EDC4: variants seen among roughly 807,000 people sequenced by gnomAD.
EDC4 encodes enhancer of mRNA decapping 4.
Under a neutral mutation model 155.8 loss-of-function variants are expected in EDC4, and 64 were observed. The ratio of observed to expected loss-of-function variants is 0.41; its 90% confidence interval spans 0.34 to 0.51. EDC4 has a LOEUF of 0.51. EDC4 is among the 20% of genes least tolerant of loss of function. The probability of loss-of-function intolerance (pLI) is 0.19; values close to 1 mark genes in which losing one functional copy is unlikely to be tolerated. For missense variants in EDC4, 1,303 were observed against 1,812.5 expected, an observed-to-expected ratio of 0.72 and a Z score of 5.10; for synonymous variants, 684 against 716.8, an observed-to-expected ratio of 0.95 and a Z score of 0.73.
rs1392329876 is a variant in EDC4 at position 67,878,938 on chromosome 16, G to A, written c.1288-19G>A. The A allele has an allele frequency of 4.3e-6, 7 of 1,610,108 alleles. No individual in the cohort carries two copies. The highest frequency in any genetic ancestry group is 5.1e-6 in the Non-Finnish European group (6 of 1,178,710). ...GCCCTTAGCCTCTGAGCTCAGCTAG[G>A]AACGTTCTGCCTGTGCAGGTCCTCT... On this transcript the variant is annotated intron_variant, in intron 11 of 28. Transcript: ENST00000358933. This position sits in a 1 kb window ranked among gnomAD's most constrained non-coding sequence, Gnocchi z 5.2.
At position 67,881,428 on chromosome 16, in the gene EDC4, A is replaced by G; in HGVS notation, c.2789+11A>G. On this transcript the variant is annotated intron_variant, in intron 20 of 28. Transcript: ENST00000358933. The surrounding 1 kb of genome is among the most constrained non-coding windows in gnomAD (Gnocchi z 5.4). ...CAAGAAGGATGATGGGTAGGGAGAA[A>G]TCCTAGGGAGGGAGAGGGTGGTCTC... 1 of 1,613,984 alleles carries G rather than the reference A, an allele frequency of 6.2e-7. No individual in the cohort carries two copies. Among genetic ancestry groups the G allele is most frequent in the Non-Finnish European group, 8.5e-7 (1 of 1,179,940 alleles).
rs372595222 is a variant in EDC4 at position 67,879,210 on chromosome 16, G to A, written c.1469-27G>A. 49 of 1,614,086 alleles carry A rather than the reference G, an allele frequency of 3.0e-5. No individual in the cohort carries two copies. The highest frequency in any genetic ancestry group is 3.8e-5 in the Non-Finnish European group (45 of 1,180,038). On this transcript the variant is annotated intron_variant, in intron 12 of 28. Transcript: ENST00000358933. This position sits in a 1 kb window ranked among gnomAD's most constrained non-coding sequence, Gnocchi z 6.0. ...TGTGGAGGCACAGAGAGGGCCAGGG[G>A]CTTCATCATCCACACTGTCCTTTCA...
At chr16:67,875,750 C>T (rs979434366) in intron 1 of EDC4, 195 bp from the exon 2 acceptor site, 1 of 1,391,800 alleles carries the variant, frequency 7.2e-7, no homozygotes, top group Non-Finnish European at 9.3e-7. Context: ...AGAAGAGCCT[C>T]ATGCTCATCC....
At position 67,877,595 on chromosome 16, in the gene EDC4, A is replaced by C; in HGVS notation, c.728A>C (p.Glu243Ala). 1 of 1,614,182 alleles carries C rather than the reference A, an allele frequency of 6.2e-7. No homozygotes were observed. The highest frequency in any genetic ancestry group is 8.5e-7 in the Non-Finnish European group (1 of 1,180,030). The change falls in exon 6 of 29, where the codon GAG (glutamate) becomes GCG (alanine). Residue 243 changes from glutamate to alanine, a missense_variant. Glu to Ala is a moderately radical substitution (Grantham distance 107, BLOSUM62 -1). Coordinates refer to ENST00000358933, the MANE Select transcript of EDC4 (RefSeq NM_014329.5). The surrounding 1 kb of genome is among the most constrained non-coding windows in gnomAD (Gnocchi z 4.9). ...RRIIWCPFIP[E>A]ESEDCCEESS... ...ATCATCTGGTGCCCCTTCATCCCTG[A>C]GGAGAGCGAAGACTGCTGTGAGGAG...
At position 67,879,903 on chromosome 16, in the gene EDC4, T is replaced by TAGCAGC; in HGVS notation, c.1879_1884dup (p.Ser628_Ser629dup). ...GCGGTAGCAGCAGCAGCAGCAGCAG[T>TAGCAGC]AGCAGCAGCTCCCTTACAGCTGTGT... is the stretch of plus-strand genomic sequence containing the variant. On this transcript the variant is annotated inframe_insertion, in exon 16 of 29. Coordinates refer to ENST00000358933, the MANE Select transcript of EDC4 (RefSeq NM_014329.5). This position sits in a 1 kb window ranked among gnomAD's most constrained non-coding sequence, Gnocchi z 6.0. 2 of 1,613,314 alleles carry TAGCAGC rather than the reference T, an allele frequency of 1.2e-6. No homozygotes were observed. Among genetic ancestry groups the TAGCAGC allele is most frequent in the East Asian group, 4.5e-5 (2 of 44,878 alleles).
chr16:67,876,194 C>T lies in EDC4; in HGVS notation c.239+93C>T. 1 of 1,367,346 alleles carries T rather than the reference C, an allele frequency of 7.3e-7. No individual in the cohort carries two copies. The highest frequency in any genetic ancestry group is 1.0e-6 in the Non-Finnish European group (1 of 978,432). The allele number at this position is 1,367,346 out of a possible 1,614,324, so 84.7% of individuals were successfully genotyped here. On this transcript the variant is annotated intron_variant, in intron 2 of 28. Transcript: ENST00000358933. This position sits in a 1 kb window ranked among gnomAD's most constrained non-coding sequence, Gnocchi z 5.8. ...GATGGGGAGTGAGCGGGGCCAGCAG[C>T]CTCTGCTGCTTCCTCTCTAGATGAC...
Position 67,880,370 on chromosome 16 carries a change from T to C in EDC4, c.2097+154T>C, listed in dbSNP as rs1598177501. On this transcript the variant is annotated intron_variant, in intron 17 of 28. Coordinates refer to ENST00000358933, the MANE Select transcript of EDC4 (RefSeq NM_014329.5). This position sits in a 1 kb window ranked among gnomAD's most constrained non-coding sequence, Gnocchi z 5.2. ...GGTCATTTCACCCTCCTGTGTTTCCTGGTGGGTGTCTCCTCAGCCTCCCTG... is the reference window on the plus strand; with the variant it reads ...GGTCATTTCACCCTCCTGTGTTTCCCGGTGGGTGTCTCCTCAGCCTCCCTG... 2 of 1,362,154 alleles carry C rather than the reference T, an allele frequency of 1.5e-6. No homozygotes were observed. The highest frequency in any genetic ancestry group is 2.4e-5 in the East Asian group (1 of 42,552). 84.4% of individuals were successfully genotyped at this position (1,362,154 alleles called of 1,614,324 possible).
At position 67,882,304 on chromosome 16, in the gene EDC4, A is replaced by G; in HGVS notation, c.3253A>G (p.Ile1085Val). The change falls in exon 24 of 29, where the codon ATC (isoleucine) becomes GTC (valine). Residue 1085 changes from isoleucine (I) to valine (V), a missense_variant. Ile to Val is a conservative substitution (Grantham distance 29, BLOSUM62 3). This residue lies in a region of EDC4 where 527 missense variants were observed against 757.0 expected (regional missense o/e 0.70). Coordinates refer to ENST00000358933, the MANE Select transcript of EDC4 (RefSeq NM_014329.5). The surrounding 1 kb of genome is among the most constrained non-coding windows in gnomAD (Gnocchi z 7.2). The stretch of plus-strand genomic sequence containing the variant: ...TGTGGAGGGCAGCATGAAAGAGAAC[A>G]TCTCCAAGCTGCTCAAGTCCAAGGT... Reference protein sequence around the residue: ...TAVEGSMKENISKLLKSKNLT... With the variant: ...TAVEGSMKENVSKLLKSKNLT... 2.5e-6 allele frequency: 4 copies of G among 1,613,350 alleles called. No homozygotes were observed. The highest frequency in any genetic ancestry group is 3.4e-6 in the Non-Finnish European group (4 of 1,179,608).
Position 67,877,679 on chromosome 16 carries a change from G to T in EDC4, c.789+23G>T, listed in dbSNP as rs1428018591. The T allele has an allele frequency of 6.2e-7, 1 of 1,613,968 alleles. No homozygotes were observed. Among genetic ancestry groups the T allele is most frequent in the Non-Finnish European group, 8.5e-7 (1 of 1,180,016 alleles). On this transcript the variant is annotated intron_variant, in intron 6 of 28. Coordinates refer to ENST00000358933, the MANE Select transcript of EDC4 (RefSeq NM_014329.5). The surrounding 1 kb of genome is among the most constrained non-coding windows in gnomAD (Gnocchi z 4.9). ...CGGGTGAGGGGGCTGACATGGCGAA[G>T]AGGCGCCAGAGAAGCCATAGTGTGG...
rs564305508 is a variant in EDC4, at chr16:67,878,705, A to G, written c.1185-32A>G. 6.2e-7 allele frequency: 1 copy of G among 1,614,174 alleles called. No individual in the cohort carries two copies. The highest frequency in any genetic ancestry group is 8.5e-7 in the Non-Finnish European group (1 of 1,180,022). ...GGGAATGTAGCTTCCTTCAGTTCTC[A>G]GGCTCATTCACTCTGCTTTGTGGCT... On this transcript the variant is annotated intron_variant, in intron 10 of 28. Coordinates refer to ENST00000358933, the MANE Select transcript of EDC4 (RefSeq NM_014329.5). The surrounding 1 kb of genome is among the most constrained non-coding windows in gnomAD (Gnocchi z 5.2).
chr16:67,884,400 C>T lies in EDC4; in HGVS notation c.*252C>T. On this transcript the variant is annotated 3_prime_UTR_variant, in exon 29 of 29. Coordinates refer to ENST00000358933, the MANE Select transcript of EDC4 (RefSeq NM_014329.5). This position sits in a 1 kb window ranked among gnomAD's most constrained non-coding sequence, Gnocchi z 4.1. ...GAGCATGACCCTGAGATCGTGACAC[C>T]ACTTGAGTGGAATTTTCCATGTTCC... 1 of 548,504 alleles carries T rather than the reference C, an allele frequency of 1.8e-6. No individual in the cohort carries two copies. Among genetic ancestry groups the T allele is most frequent in the South Asian group, 2.6e-5 (1 of 38,962 alleles). 34.0% of individuals were successfully genotyped at this position (548,504 alleles called of 1,614,324 possible).
Position 67,880,128 on chromosome 16 carries a change from G to C in EDC4, c.2009G>C (p.Ser670Thr). The change falls in exon 17 of 29, where the codon AGT (serine) becomes ACT (threonine). Residue 670 changes from serine (S) to threonine (T), a missense_variant. Around this residue, in one of 5 missense-constraint regions of EDC4, gnomAD observed 391 missense variants for 445.4 expected, o/e 0.88. Coordinates refer to ENST00000358933, the MANE Select transcript of EDC4 (RefSeq NM_014329.5). This position sits in a 1 kb window ranked among gnomAD's most constrained non-coding sequence, Gnocchi z 5.2. ...QLDGSLTMSS[S>T]GSLQASPRGL... ...GATGGCAGCCTGACAATGAGCAGCA[G>C]TGGCAGCCTTCAGGCAAGCCCGCGT... The C allele has an allele frequency of 1.2e-6, 2 of 1,613,088 alleles. No individual in the cohort carries two copies. The highest frequency in any genetic ancestry group is 1.3e-5 in the African/African-American group (1 of 75,046).
rs772746190 is a variant in EDC4, at chr16:67,879,665, G to A, written c.1712G>A (p.Arg571Gln). The A allele has an allele frequency of 8.1e-6, 13 of 1,614,016 alleles. No individual in the cohort carries two copies. Among genetic ancestry groups the A allele is most frequent in the East Asian group, 6.7e-5 (3 of 44,890 alleles). Residue 571 changes from arginine to glutamine, a missense_variant, in exon 15 of 29, where the codon CGA (arginine) becomes CAA (glutamine). By Grantham distance (43) the Arg-to-Gln change is conservative. This residue lies in a region of EDC4 where 391 missense variants were observed against 445.4 expected (regional missense o/e 0.88). Transcript: ENST00000358933. This position sits in a 1 kb window ranked among gnomAD's most constrained non-coding sequence, Gnocchi z 6.0. The part of the protein sequence containing the change: ...AAHGSQPDLR[R>Q]IVELPAPADF... ...CACGGCTCCCAGCCTGACCTCCGAC[G>A]AATCGTGGAGCTGCCTGCACCTGCC...
At position 67,883,371 on chromosome 16, in the gene EDC4, C is replaced by T. The variant is rs2058079039; in HGVS notation, c.3849+194C>T. On this transcript the variant is annotated intron_variant, in intron 27 of 28. Transcript: ENST00000358933. The surrounding 1 kb of genome is among the most constrained non-coding windows in gnomAD (Gnocchi z 5.3). Reference sequence around the variant, plus strand: ...CTTTCTTCCCACCTAGCCCACCTTGCTTTACAACTACCCTTCTCAGGAACC... The same window carrying T: ...CTTTCTTCCCACCTAGCCCACCTTGTTTTACAACTACCCTTCTCAGGAACC... 1.0e-5 allele frequency: 13 copies of T among 1,280,914 alleles called. No individual in the cohort carries two copies. The South Asian group carries it at 1.9e-4, about 18-fold the overall frequency. 79.3% of individuals were successfully genotyped at this position (1,280,914 alleles called of 1,614,324 possible). A position where few individuals can be genotyped will look rare whatever the true frequency, so the allele number is the denominator to read the frequency against.
rs2058063582 is a variant in EDC4 at position 67,880,710 on chromosome 16, G to A, written c.2251G>A (p.Ala751Thr). 6.2e-7 allele frequency: 1 copy of A among 1,614,066 alleles called. No homozygotes were observed. Among genetic ancestry groups the A allele is most frequent in the Admixed American group, 1.7e-5 (1 of 60,004 alleles). Residue 751 changes from alanine to threonine, a missense_variant, in exon 18 of 29, where the codon GCC (alanine) becomes ACC (threonine). Transcript: ENST00000358933. The surrounding 1 kb of genome is among the most constrained non-coding windows in gnomAD (Gnocchi z 5.2). ...GGACATCCCTGAGATTGCATCTGAG[G>A]CCCTGTCCCGTGGTTTTGGCTCCTC... Reference protein sequence around the residue: ...SQDIPEIASEALSRGFGSSAP... With the variant: ...SQDIPEIASETLSRGFGSSAP...
At chr16:67,873,911 T>C (rs2058031686) in intron 1 of EDC4, among the ~76,000 whole-genome samples, 2 of 152,200 alleles carry the variant, frequency 1.3e-5, no homozygotes, top group South Asian at 2.1e-4. Flanking sequence ...GCTACAAATA[T>C]CTGCAAGCCC....
In EDC4 at chr16:67,878,655, G is replaced by A; in HGVS notation, c.1184+24G>A. 1 of 1,614,220 alleles carries A rather than the reference G, an allele frequency of 6.2e-7. No individual in the cohort carries two copies. The highest frequency in any genetic ancestry group is 8.5e-7 in the Non-Finnish European group (1 of 1,180,048). ...CGGTAAGCAGTGGCTGGAAGGCTGG[G>A]GGACTGGGCAGGGGCGGCAGGGTTG... On this transcript the variant is annotated intron_variant, in intron 10 of 28. Transcript: ENST00000358933. The surrounding 1 kb of genome is among the most constrained non-coding windows in gnomAD (Gnocchi z 5.2).
In EDC4 at chr16:67,883,518, C is replaced by A; in HGVS notation, c.3850-50C>A. 6.2e-7 allele frequency: 1 copy of A among 1,601,636 alleles called. No homozygotes were observed. ...AGGCCACACAGTTCAGACAAGCAGA[C>A]ATTCCATCCTGATATTTGCTATAAA... On this transcript the variant is annotated intron_variant, in intron 27 of 28. Coordinates refer to ENST00000358933, the MANE Select transcript of EDC4 (RefSeq NM_014329.5). The surrounding 1 kb of genome is among the most constrained non-coding windows in gnomAD (Gnocchi z 5.3).
In EDC4 at chr16:67,880,287, T is replaced by C. The variant is rs770647136; in HGVS notation, c.2097+71T>C. ...GCAGCAGGGAAGGTGGGTGGTGGGC[T>C]CCTCCCAGCCCCCTGCTGCTGATCC... is the stretch of plus-strand genomic sequence containing the variant. On this transcript the variant is annotated intron_variant, in intron 17 of 28. Transcript: ENST00000358933. This position sits in a 1 kb window ranked among gnomAD's most constrained non-coding sequence, Gnocchi z 5.2. 1 of 1,519,990 alleles carries C rather than the reference T, an allele frequency of 6.6e-7. No individual in the cohort carries two copies. The highest frequency in any genetic ancestry group is 2.3e-5 in the East Asian group (1 of 44,092). The allele number at this position is 1,519,990 out of a possible 1,614,324, so 94.2% of individuals were successfully genotyped here. A position where few individuals can be genotyped will look rare whatever the true frequency, so the allele number is the denominator to read the frequency against.
Sources: allele counts gnomAD v4.1 joint callset (sites outside exome capture counted in the v4.1 genomes callset), GRCh38; gene constraint gnomAD v4.1.1; regional missense constraint gnomAD v4.1.1; non-coding constraint Gnocchi (gnomAD v3.1); transcripts MANE v1.5; gene names NCBI Gene and HGNC (gene_info 2026-07-23, HGNC 2026-07-21).